UST: variants seen among roughly 807,000 people sequenced by gnomAD.
The protein encoded by UST is chondroitin sulfate 2-O-sulfotransferase.
A neutral mutation model predicts 45.6 loss-of-function variants in UST; 21 were observed. The ratio of observed to expected loss-of-function variants is 0.46; its 90% CI spans 0.33 to 0.66. The LOEUF (loss-of-function observed/expected upper bound fraction) is 0.66, where lower values mean the gene tolerates loss of function less well. Among genes scored for constraint, UST ranks in the 30% least tolerant of loss-of-function variants. UST has a pLI of 0.02. For missense variants in UST, 463 were observed against 512.4 expected (o/e 0.90, Z 0.93); for synonymous variants, 215 against 200.6 (o/e 1.07, Z -0.61).
At chr6:148,938,094 C>G (rs1467233304) in intron 2 of UST, among the ~76,000 whole-genome samples, 2 of 152,186 alleles carry the variant, frequency 1.3e-5, no homozygotes, top group Non-Finnish European at 2.9e-5. Flanking sequence ...AAATGACCAT[C>G]TTTTTATTTT....
chr6:148,857,853 A>T (rs1046898474), intron 1 of UST, among the ~76,000 whole-genome samples: 2 of 151,634 alleles, frequency 1.3e-5, no homozygotes, highest in African/African-American at 2.4e-5. Context: ...TGTCTGATCC[A>T]GGTCTGGGTG....
chr6:148,828,383 T>G (rs1193697509), intron 1 of UST, among the ~76,000 whole-genome samples: 1 of 152,192 alleles, frequency 6.6e-6, no homozygotes, highest in Non-Finnish European at 1.5e-5. Context: ...TGCCGTTATA[T>G]TACTGGAAAA....
intron 1 of UST, among the ~76,000 whole-genome samples, chr6:148,820,113 G>A (rs1324682937): frequency 1.3e-5 from 2 of 152,192 alleles, no homozygotes; most frequent in Non-Finnish European, 1.5e-5. Context: ...AGCCTGGCAT[G>A]CAGTAGGTGC....
chr6:148,984,566 A>G (rs1781204284), intron 5 of UST, among the ~76,000 whole-genome samples: 1 of 152,150 alleles, frequency 6.6e-6, no homozygotes, highest in Non-Finnish European at 1.5e-5. Flanking sequence ...ACGGGATCTC[A>G]CTCTGTCTTG....
intron 2 of UST, among the ~76,000 whole-genome samples, chr6:148,912,378 G>T (rs941914757): frequency 6.6e-6 from 1 of 152,210 alleles, no homozygotes; most frequent in Non-Finnish European, 1.5e-5. Context: ...CATTAACTGT[G>T]ACAGAAGAAA....
chr6:149,062,308 C>T (rs912668898), intron 7 of UST, among the ~76,000 whole-genome samples: 2 of 152,154 alleles, frequency 1.3e-5, no homozygotes, highest in Non-Finnish European at 2.9e-5. Flanking sequence ...CAGGAAGGAC[C>T]CTCAACTAAG....
intron 2 of UST, among the ~76,000 whole-genome samples, chr6:148,887,720 C>A (rs1778938751): frequency 1.3e-5 from 2 of 152,174 alleles, no homozygotes; most frequent in Admixed American, 1.3e-4. Context: ...ACTTTTTTGA[C>A]ATCATTTTTT....
intron 5 of UST, among the ~76,000 whole-genome samples, chr6:148,990,687 G>A (rs1390070299): frequency 6.6e-6 from 1 of 152,180 alleles, no homozygotes; most frequent in Non-Finnish European, 1.5e-5. Context: ...AAAGTGCAAA[G>A]AGGCTCGGCA....
At chr6:148,834,244 T>C (rs528659620) in intron 1 of UST, among the ~76,000 whole-genome samples, 1 of 152,382 alleles carries the variant, frequency 6.6e-6, no homozygotes, top group East Asian at 1.9e-4. Context: ...ATAATCTTAA[T>C]TCCTTGACCA....
chr6:148,913,380 T>C (rs1479612699), intron 2 of UST, among the ~76,000 whole-genome samples: 3 of 147,268 alleles, frequency 2.0e-5, no homozygotes, highest in Non-Finnish European at 4.5e-5. Flanking sequence ...ATTGTATCTA[T>C]AGGAGCAAGC....
intron 1 of UST, among the ~76,000 whole-genome samples, chr6:148,808,005 A>T (rs1777182562): frequency 6.6e-6 from 1 of 152,210 alleles, no homozygotes; most frequent in Admixed American, 6.5e-5. Context: ...GTAGGCCACG[A>T]ACAGAAGCCG....
chr6:149,035,719 T>C (rs1562335811), intron 7 of UST, among the ~76,000 whole-genome samples: 1 of 151,796 alleles, frequency 6.6e-6, no homozygotes, highest in African/African-American at 2.4e-5. Flanking sequence ...TGAGCCAAGA[T>C]TGTGCCACTG....
At chr6:148,868,444 G>T (rs1193540854) in intron 1 of UST, among the ~76,000 whole-genome samples, 1 of 134,114 alleles carries the variant, frequency 7.5e-6, no homozygotes, top group Non-Finnish European at 1.7e-5. Flanking sequence ...CTCAAATTCA[G>T]TGATTCAAAA....
At chr6:148,935,606 G>A (rs1358066095) in intron 2 of UST, among the ~76,000 whole-genome samples, 3 of 152,178 alleles carry the variant, frequency 2.0e-5, no homozygotes, top group Non-Finnish European at 2.9e-5. Flanking sequence ...TGCTTGTCCT[G>A]ATAGACATTC....
intron 5 of UST, among the ~76,000 whole-genome samples, chr6:148,965,876 CTTTT>C (rs56202168): frequency 0.01 from 1,282 of 126,266 alleles, 14 homozygotes; most frequent in African/African-American, 0.031. Context: ...TGGCTTTTCC[CTTTT>C]TTTTTTTTTT....
chr6:148,864,512 G>T (rs542727602), intron 1 of UST, among the ~76,000 whole-genome samples: 1 of 152,164 alleles, frequency 6.6e-6, no homozygotes, highest in Non-Finnish European at 1.5e-5. Flanking sequence ...TCCACTGTCC[G>T]ACAAGCCCCA....
In UST at chr6:148,982,319, G is replaced by A. The variant is rs542183827; in HGVS notation, c.681+17756G>A. ...GCTCCATGTTGGCCAGGCTGGTCTC[G>A]AACACTTGACCTCAAATGATCCGCC... On this transcript the variant is annotated intron_variant, in intron 5 of 7. Transcript: ENST00000367463. Among the ~76,000 whole-genome samples the A allele has an allele frequency of 8.6e-5, 13 of 152,030 alleles. No homozygotes were observed. The South Asian group carries it at 1.5e-3, about 17-fold the overall frequency.
At chr6:148,772,424 G>A (rs1390365257) in intron 1 of UST, among the ~76,000 whole-genome samples, 1 of 148,462 alleles carries the variant, frequency 6.7e-6, no homozygotes, top group Non-Finnish European at 1.5e-5. Flanking sequence ...GGGCCCTTCT[G>A]ACCTTTTTTT....
At chr6:148,969,303 G>A (rs1180115445) in intron 5 of UST, among the ~76,000 whole-genome samples, 2 of 152,204 alleles carry the variant, frequency 1.3e-5, no homozygotes, top group Non-Finnish European at 2.9e-5. Flanking sequence ...AAGTGTTTCA[G>A]TAAATATCTA....
Sources: allele counts gnomAD v4.1 joint callset (sites outside exome capture counted in the v4.1 genomes callset), GRCh38; gene constraint gnomAD v4.1.1; transcripts MANE v1.5; gene names NCBI Gene and HGNC (gene_info 2026-07-23, HGNC 2026-07-21).